Variants in OCLN observed in about 807,000 individuals in gnomAD.
OCLN encodes the protein phosphatase 1, regulatory subunit 115.
Under a neutral mutation model 47.9 loss-of-function variants are expected in OCLN, and 21 were observed. The ratio of observed to expected loss-of-function variants is 0.44; its 90% CI spans 0.31 to 0.63. The LOEUF is 0.63. Ranked by LOEUF, OCLN falls within the 30% of genes least tolerant of loss-of-function variation. The pLI is 0.08. For synonymous variants in OCLN, 117 were observed against 198.4 expected (o/e 0.59, Z 3.45); for missense variants, 360 against 571.0 (o/e 0.63, Z 3.77).
At chr5:69,513,800 G>C in intron 3 of OCLN, 148 bp from the exon 4 acceptor site, 2 of 732,638 alleles carry the variant, frequency 2.7e-6, no homozygotes, top group South Asian at 3.2e-5. Context: ...TGTCTGAAAT[G>C]TAACTATTTG....
intron 4 of OCLN, among the ~76,000 whole-genome samples, chr5:69,532,690 G>A (rs1231413332): frequency 3.3e-5 from 5 of 151,996 alleles, no homozygotes; most frequent in South Asian, 2.1e-4. Flanking sequence ...AACAGTGGCC[G>A]GGCGTGGTGG....
At chr5:69,528,195 C>T (rs537065259) in intron 4 of OCLN, among the ~76,000 whole-genome samples, 3 of 152,066 alleles carry the variant, frequency 2.0e-5, no homozygotes, top group South Asian at 2.1e-4. Context: ...ACAGGAAAAA[C>T]GAGTTAGACC....
intron 4 of OCLN, among the ~76,000 whole-genome samples, chr5:69,516,489 AAG>A (rs1768974854): frequency 6.6e-6 from 1 of 151,856 alleles, no homozygotes; most frequent in Non-Finnish European, 1.5e-5. Context: ...AGACCGTGGA[AAG>A]AGAGGGAGAG....
rs150997070 is a variant in OCLN, at chr5:69,535,826, T to C, written c.1037+987T>C. On this transcript the variant is annotated intron_variant, in intron 5 of 8. Coordinates refer to ENST00000396442, the MANE Select transcript of OCLN (RefSeq NM_001205254.2). ...AAAAAGGTACAGTAAATATAAAAGA[T>C]AAAAAATGGTACATCTTGGCGGGGG... is the stretch of plus-strand genomic sequence containing the variant. Among the ~76,000 whole-genome samples, 752 of 152,046 alleles carry C rather than the reference T, an allele frequency of 4.9e-3. 9 individuals are homozygous for C. The highest frequency in any genetic ancestry group is 0.018 in the African/African-American group (727 of 41,384).
At chr5:69,533,496 A>G (rs1469284856) in intron 4 of OCLN, among the ~76,000 whole-genome samples, 1 of 151,580 alleles carries the variant, frequency 6.6e-6, no homozygotes, top group Non-Finnish European at 1.5e-5. Context: ...AGTGTGTAGC[A>G]TTGTTAGATT....
rs1769929136 is a variant in OCLN at position 69,554,764 on chromosome 5, G to C, written c.*1093G>C. On this transcript the variant is annotated 3_prime_UTR_variant, in exon 9 of 9. Transcript: ENST00000396442. ...GAAATACCAAATAATTTCAAATGGT[G>C]CCCTTAAATTGTATCACTTTTTTAA... The C allele has an allele frequency of 6.6e-6, 1 of 151,726 alleles. No individual in the cohort carries two copies. The highest frequency in any genetic ancestry group is 2.1e-4 in the South Asian group (1 of 4,808). The allele number at this position is 151,726 out of a possible 1,614,324, so 9.4% of individuals were successfully genotyped here.
Position 69,554,784 on chromosome 5 carries a change from T to C in OCLN, c.*1113T>C, listed in dbSNP as rs1319249198. On this transcript the variant is annotated 3_prime_UTR_variant, in exon 9 of 9. Coordinates refer to ENST00000396442, the MANE Select transcript of OCLN (RefSeq NM_001205254.2). ...ATGGTGCCCTTAAATTGTATCACTTTTTTAAAAATTCAGATTCTTATTAGT... is the reference window on the plus strand; with the variant it reads ...ATGGTGCCCTTAAATTGTATCACTTCTTTAAAAATTCAGATTCTTATTAGT... 1 of 151,982 alleles carries C rather than the reference T, an allele frequency of 6.6e-6. No individual in the cohort carries two copies. The highest frequency in any genetic ancestry group is 2.4e-5 in the African/African-American group (1 of 41,374). 9.4% of individuals were successfully genotyped at this position (151,982 alleles called of 1,614,324 possible).
chr5:69,523,013 C>T (rs780664013), intron 4 of OCLN, among the ~76,000 whole-genome samples: 7 of 151,016 alleles, frequency 4.6e-5, no homozygotes, highest in Non-Finnish European at 7.4e-5. Context: ...CAGGTGTGAG[C>T]CACTACCCAC....
chr5:69,499,974 T>A (rs1238173001), intron 1 of OCLN, among the ~76,000 whole-genome samples: 2 of 152,206 alleles, frequency 1.3e-5, no homozygotes, highest in Non-Finnish European at 2.9e-5. Flanking sequence ...TGTCTCAGAT[T>A]GCGAGCCAGT....
intron 4 of OCLN, among the ~76,000 whole-genome samples, chr5:69,515,136 G>A (rs1447444670): frequency 2.0e-5 from 3 of 150,132 alleles, no homozygotes; most frequent in South Asian, 2.1e-4. Context: ...TGGACCGGGC[G>A]GCTGGCCGGG....
chr5:69,498,059 G>A (rs1244261858), intron 1 of OCLN, among the ~76,000 whole-genome samples: 2 of 151,680 alleles, frequency 1.3e-5, no homozygotes, highest in South Asian at 2.1e-4. Flanking sequence ...GTGAACCCGG[G>A]AGGCGGAGCT....
intron 4 of OCLN, among the ~76,000 whole-genome samples, chr5:69,532,124 G>A (rs1407086367): frequency 6.6e-6 from 1 of 151,988 alleles, no homozygotes; most frequent in Admixed American, 6.6e-5. Context: ...TATGTACTAG[G>A]TAGTTTTCTC....
At chr5:69,515,857 C>T (rs554192042) in intron 4 of OCLN, among the ~76,000 whole-genome samples, 16 of 150,144 alleles carry the variant, frequency 1.1e-4, no homozygotes, top group Admixed American at 2.6e-4. Context: ...ACATCCCAGA[C>T]GGGGTGGCGG....
At chr5:69,515,275 G>A (rs1294285016) in intron 4 of OCLN, among the ~76,000 whole-genome samples, 6 of 137,662 alleles carry the variant, frequency 4.4e-5, no homozygotes, top group South Asian at 2.3e-4. Flanking sequence ...CTGGCCGGGC[G>A]GGGGGCTGAC....
chr5:69,515,544 C>G (rs1768923871), intron 4 of OCLN, among the ~76,000 whole-genome samples: 1 of 149,374 alleles, frequency 6.7e-6, no homozygotes, highest in Admixed American at 6.6e-5. Flanking sequence ...GCTGACCCCC[C>G]CCCACCTCCC....
At chr5:69,516,190 A>C (rs1056198304) in intron 4 of OCLN, among the ~76,000 whole-genome samples, 12 of 151,918 alleles carry the variant, frequency 7.9e-5, no homozygotes, top group Non-Finnish European at 1.5e-4. Flanking sequence ...ACGCCACTGC[A>C]CTCCAGCCTG....
At chr5:69,549,761 G>A (rs1769811819) in intron 7 of OCLN, among the ~76,000 whole-genome samples, 4 of 151,058 alleles carry the variant, frequency 2.6e-5, no homozygotes, top group Admixed American at 2.0e-4. Context: ...AATCACTTAC[G>A]TAAGTATGGA....
In OCLN at chr5:69,523,102, A is replaced by G. The variant is rs542726061; in HGVS notation, c.891+8993A>G. Among the ~76,000 whole-genome samples, 329 of 151,862 alleles carry G rather than the reference A, an allele frequency of 2.2e-3. 1 individual carries two copies. Among genetic ancestry groups the G allele is most frequent in the Non-Finnish European group, 3.4e-3 (234 of 67,978 alleles). ...TCACCACTAATGGACCAATATTGATATTTACTATTTACCAAATGTCATAAC... is the reference window on the plus strand; with the variant it reads ...TCACCACTAATGGACCAATATTGATGTTTACTATTTACCAAATGTCATAAC... On this transcript the variant is annotated intron_variant, in intron 4 of 8. Coordinates refer to ENST00000396442, the MANE Select transcript of OCLN (RefSeq NM_001205254.2).
chr5:69,537,798 CAA>C (rs1291282364), intron 5 of OCLN, among the ~76,000 whole-genome samples: 1 of 33,606 alleles, frequency 3.0e-5, no homozygotes, highest in East Asian at 6.5e-4. Context: ...CACACACACA[CAA>C]ACCCAAAACT....
Sources: allele counts gnomAD v4.1 joint callset (sites outside exome capture counted in the v4.1 genomes callset), GRCh38; gene constraint gnomAD v4.1.1; transcripts MANE v1.5; gene names NCBI Gene and HGNC (gene_info 2026-07-23, HGNC 2026-07-21).